ADAMTS18: variants seen among roughly 807,000 people sequenced by gnomAD.
ADAMTS18 encodes A disintegrin and metalloproteinase with thrombospondin motifs 18.
In ADAMTS18, 157 loss-of-function variants were observed where a neutral mutation model predicts 165.9. The observed-to-expected ratio is 0.95, with a 90% CI of 0.83 to 1.08. The LOEUF (loss-of-function observed/expected upper bound fraction) is 1.08, where lower values mean the gene tolerates loss of function less well. Ranked by LOEUF, ADAMTS18 falls within the 50% of genes least tolerant of loss-of-function variation. The pLI, the probability that ADAMTS18 is intolerant of heterozygous loss-of-function variation, is 0.00. For missense variants in ADAMTS18, 2,040 were observed against 1,534.0 expected, an observed-to-expected ratio of 1.33 and a Z score of -5.51; for synonymous variants, 782 against 578.2, an observed-to-expected ratio of 1.35 and a Z score of -5.06.
At position 77,431,553 on chromosome 16, in the gene ADAMTS18, G is replaced by A; in HGVS notation, c.237C>T (p.Asp79=). ...VDSAGSYISH[D]ILHNGRKKRS... is the part of the protein sequence containing the mutation. ...GCTTTTTCCTGCCGTTGTGCAAAAT[G>A]TCGTGTGAAATATATGACCCGGCTG... Residue 79 remains aspartate (D), a synonymous_variant, in exon 3 of 23, where the codon GAC becomes GAT. Transcript: ENST00000282849. The A allele has an allele frequency of 1.2e-6, 2 of 1,614,142 alleles. No homozygotes were observed. The highest frequency in any genetic ancestry group is 1.3e-5 in the African/African-American group (1 of 75,042).
chr16:77,332,734 C>T (rs2056210349), intron 12 of ADAMTS18, among the ~76,000 whole-genome samples: 1 of 152,160 alleles, frequency 6.6e-6, no homozygotes. Flanking sequence ...AGAGCACAAA[C>T]TGCAGTTCAG....
At chr16:77,398,809 A>T (rs978816165) in intron 3 of ADAMTS18, among the ~76,000 whole-genome samples, 1 of 152,220 alleles carries the variant, frequency 6.6e-6, no homozygotes, top group Non-Finnish European at 1.5e-5. Context: ...CTACTGTTGT[A>T]GGTAGAAAAC....
At chr16:77,375,215 T>G (rs1460818115) in intron 3 of ADAMTS18, among the ~76,000 whole-genome samples, 1 of 151,874 alleles carries the variant, frequency 6.6e-6, no homozygotes, top group African/African-American at 2.4e-5. Flanking sequence ...AAAGACGGGG[T>G]TTCACCACAT....
At chr16:77,320,178 A>G (rs1374508961) in intron 15 of ADAMTS18, 85 bp from the exon 16 acceptor site, 3 of 1,500,132 alleles carry the variant, frequency 2.0e-6, no homozygotes, top group African/African-American at 1.4e-5. Context: ...TGTAGTGTTC[A>G]GTTTTATAGA....
intron 12 of ADAMTS18, among the ~76,000 whole-genome samples, chr16:77,335,054 TGTA>T (rs1228901315): frequency 2.0e-5 from 3 of 146,510 alleles, no homozygotes; most frequent in African/African-American, 7.4e-5. Flanking sequence ...TTATATATAA[TGTA>T]GTATAATAGT....
chr16:77,364,420 G>A (rs1472153377), intron 4 of ADAMTS18, 39 bp from the exon 5 acceptor site: 1 of 1,593,756 alleles, frequency 6.3e-7, no homozygotes, highest in Non-Finnish European at 8.6e-7. Flanking sequence ...GGATATTAGA[G>A]AATATCTGGA....
intron 3 of ADAMTS18, among the ~76,000 whole-genome samples, chr16:77,415,886 G>A (rs943021641): frequency 6.6e-6 from 1 of 152,078 alleles, no homozygotes; most frequent in East Asian, 1.9e-4. Context: ...AAATTGCCAG[G>A]ATAATTACAT....
At chr16:77,344,673 T>A (rs2056449213) in intron 10 of ADAMTS18, among the ~76,000 whole-genome samples, 1 of 151,774 alleles carries the variant, frequency 6.6e-6, no homozygotes, top group African/African-American at 2.4e-5. Context: ...GGGCTAGCTG[T>A]CGTAGCCAAT....
At chr16:77,350,098 T>C (rs555682079) in intron 10 of ADAMTS18, among the ~76,000 whole-genome samples, 5 of 152,290 alleles carry the variant, frequency 3.3e-5, no homozygotes, top group Admixed American at 3.3e-4. Flanking sequence ...AGCTCACTCA[T>C]GGAGTCAGTA....
chr16:77,332,663 C>T (rs1391951891), intron 12 of ADAMTS18, among the ~76,000 whole-genome samples: 1 of 152,170 alleles, frequency 6.6e-6, no homozygotes, highest in Non-Finnish European at 1.5e-5. Context: ...CTACATCTCA[C>T]ACATGTTTCA....
chr16:77,380,648 C>T (rs1249105769), intron 3 of ADAMTS18, among the ~76,000 whole-genome samples: 2 of 152,092 alleles, frequency 1.3e-5, no homozygotes, highest in African/African-American at 4.8e-5. Flanking sequence ...AGTTTATAAG[C>T]AGCCATAACC....
At chr16:77,425,510 G>A (rs1441163358) in intron 3 of ADAMTS18, among the ~76,000 whole-genome samples, 2 of 152,208 alleles carry the variant, frequency 1.3e-5, no homozygotes, top group Admixed American at 1.3e-4. Flanking sequence ...ACTCACCCAT[G>A]TATTACAAAG....
intron 3 of ADAMTS18, among the ~76,000 whole-genome samples, chr16:77,369,049 T>A (rs2056839512): frequency 6.6e-6 from 1 of 152,202 alleles, no homozygotes; most frequent in Non-Finnish European, 1.5e-5. Flanking sequence ...GGGGAAAGTG[T>A]AATCTGCAGA....
At chr16:77,308,423 T>A (rs533695814) in intron 16 of ADAMTS18, among the ~76,000 whole-genome samples, 4 of 152,168 alleles carry the variant, frequency 2.6e-5, no homozygotes, top group East Asian at 1.9e-4. Context: ...TGTGTGTGTA[T>A]GTGGGTGAGA....
chr16:77,358,179 A>ATGTG (rs137864349), intron 8 of ADAMTS18, among the ~76,000 whole-genome samples: 2 of 151,866 alleles, frequency 1.3e-5, no homozygotes, highest in East Asian at 1.9e-4. Context: ...GTGTGTCTAA[A>ATGTG]TGTGTGTGTG....
chr16:77,355,612 G>A (rs2056617795), intron 9 of ADAMTS18, among the ~76,000 whole-genome samples: 1 of 152,142 alleles, frequency 6.6e-6, no homozygotes, highest in African/African-American at 2.4e-5. Flanking sequence ...ATCTAAGTGT[G>A]AGTCTTCTGT....
intron 9 of ADAMTS18, among the ~76,000 whole-genome samples, chr16:77,354,736 A>G (rs948752188): frequency 6.6e-6 from 1 of 152,244 alleles, no homozygotes; most frequent in African/African-American, 2.4e-5. Flanking sequence ...CATGCTTCAT[A>G]AAGCATAATA....
intron 16 of ADAMTS18, among the ~76,000 whole-genome samples, chr16:77,306,220 C>T (rs1283759277): frequency 1.3e-5 from 2 of 152,176 alleles, no homozygotes; most frequent in East Asian, 3.9e-4. Context: ...TTAAATGCTT[C>T]CAGGTCCTCC....
At position 77,431,289 on chromosome 16, in the gene ADAMTS18, A is replaced by G; in HGVS notation, c.495+6T>C. The G allele has an allele frequency of 6.2e-7, 1 of 1,614,126 alleles. No homozygotes were observed. The highest frequency in any genetic ancestry group is 1.3e-5 in the African/African-American group (1 of 75,042). On this transcript the variant is annotated splice_donor_region_variant and intron_variant, in intron 3 of 22. Coordinates refer to ENST00000282849, the MANE Select transcript of ADAMTS18 (RefSeq NM_199355.4). The stretch of plus-strand genomic sequence containing the variant: ...GGGAGCTCAACTCAGACTGGGGTGT[A>G]CTTACCAAGCCAGCACACGTAGACA...
Sources: allele counts gnomAD v4.1 joint callset (sites outside exome capture counted in the v4.1 genomes callset), GRCh38; gene constraint gnomAD v4.1.1; transcripts MANE v1.5; gene names NCBI Gene and HGNC (gene_info 2026-07-23, HGNC 2026-07-21).